Variants in ABCC10 observed in about 807,000 individuals in gnomAD.
ABCC10 encodes the protein ATP binding cassette subfamily C member 10, also known as ATP-binding cassette sub-family C member 10.
A neutral mutation model predicts 143.2 loss-of-function variants in ABCC10; 110 were observed. The ratio of observed to expected loss-of-function variants is 0.77; its 90% CI spans 0.66 to 0.90. The LOEUF (loss-of-function observed/expected upper bound fraction) is 0.90, where lower values mean the gene tolerates loss of function less well. Among genes scored for constraint, ABCC10 ranks in the 40% least tolerant of loss-of-function variants. The pLI is 0.00. For synonymous variants in ABCC10, 805 were observed against 846.7 expected (o/e 0.95, Z 0.85); for missense variants, 1,700 against 1,900.5 (o/e 0.89, Z 1.96).
intron 9 of ABCC10, among the ~76,000 whole-genome samples, chr6:43,442,644 T>C (rs1462264686): frequency 6.6e-6 from 1 of 151,548 alleles, no homozygotes; most frequent in African/African-American, 2.4e-5. Context: ...GTGGGAAGGA[T>C]CACTTGAGCC....
At position 43,432,270 on chromosome 6, in the gene ABCC10, C is replaced by T; in HGVS notation, c.290C>T (p.Pro97Leu). ...VALPPGAGPG[P>L]IGLEVLAGCV... ...TTGCCACCAGGGGCAGGCCCAGGAC[C>T]CATAGGGCTAGAGGTGTTGGCAGGG... Residue 97 changes from proline to leucine, a missense_variant, in exon 3 of 22, where the codon CCC (proline) becomes CTC (leucine). Pro to Leu is a moderately conservative substitution (Grantham distance 98, BLOSUM62 -3). Coordinates refer to ENST00000372530, the MANE Select transcript of ABCC10 (RefSeq NM_001198934.2). 1 of 1,614,230 alleles carries T rather than the reference C, an allele frequency of 6.2e-7. No homozygotes were observed. The highest frequency in any genetic ancestry group is 1.6e-4 in the Middle Eastern group (1 of 6,062).
At chr6:43,447,502 T>C in intron 17 of ABCC10, 94 bp downstream of exon 17, 1 of 1,558,376 alleles carries the variant, frequency 6.4e-7, no homozygotes, top group Non-Finnish European at 8.7e-7. Flanking sequence ...CCCATCTTTC[T>C]CAGCTCCCAT....
chr6:43,434,331 C>T (rs914103285), intron 3 of ABCC10, among the ~76,000 whole-genome samples: 2 of 152,242 alleles, frequency 1.3e-5, no homozygotes, highest in Non-Finnish European at 2.9e-5. Flanking sequence ...GCTCCACCTT[C>T]CACCACTCCT....
At chr6:43,450,518 G>C (rs1322341552), downstream of ABCC10, 1 of 1,527,630 alleles carries the variant, frequency 6.5e-7, no homozygotes, top group East Asian at 2.3e-5. The surrounding 1 kb of genome is among the most constrained non-coding windows in gnomAD (Gnocchi z 4.5). Flanking sequence ...GAGGAAGGGG[G>C]CCAGAAAGCC....
rs764704082 is a variant in ABCC10, at chr6:43,433,180, A to G, written c.1200A>G (p.Glu400=). 1 of 1,614,060 alleles carries G rather than the reference A, an allele frequency of 6.2e-7. No homozygotes were observed. The highest frequency in any genetic ancestry group is 1.7e-5 in the Admixed American group (1 of 60,018). ...RLLNFAGSFH[E]AWGLPLQLAI... is the part of the protein sequence containing the mutation. The stretch of plus-strand genomic sequence containing the variant: ...TTAACTTTGCTGGGAGCTTCCATGA[A>G]GCCTGGGGCCTGCCCCTGCAACTGG... The change falls in exon 3 of 22, where the codon GAA becomes GAG. Residue 400 remains glutamate (E), a synonymous_variant. Coordinates refer to ENST00000372530, the MANE Select transcript of ABCC10 (RefSeq NM_001198934.2).
At chr6:43,428,311 CCT>C (rs1259230891) in intron 2 of ABCC10, among the ~76,000 whole-genome samples, 172 bp downstream of exon 2, 4 of 152,166 alleles carry the variant, frequency 2.6e-5, no homozygotes, top group Admixed American at 6.5e-5. Flanking sequence ...TGGGCAAGTA[CCT>C]GCCTTCTCTG....
At position 43,449,918 on chromosome 6, in the gene ABCC10, C is replaced by A. The variant is rs934356230; in HGVS notation, c.4317-11C>A. ...CCTCATCCCCTACACTGACCATCTTCCCCCTCACAGGCTCAACACGATCCT... is the reference window on the plus strand; with the variant it reads ...CCTCATCCCCTACACTGACCATCTTACCCCTCACAGGCTCAACACGATCCT... On this transcript the variant is annotated splice_polypyrimidine_tract_variant and intron_variant, in intron 21 of 21. Transcript: ENST00000372530. 1.9e-6 allele frequency: 3 copies of A among 1,613,790 alleles called. No individual in the cohort carries two copies. The African/African-American group carries it at 4.0e-5, about 22-fold the overall frequency.
At chr6:43,446,628 T>A in intron 16 of ABCC10, 182 bp downstream of exon 16, 1 of 985,340 alleles carries the variant, frequency 1.0e-6, no homozygotes, top group South Asian at 4.7e-5. Context: ...AGGAGGGACT[T>A]GCCCAGGTGG....
chr6:43,431,673 TA>T, intron 2 of ABCC10: 1 of 488,954 alleles, frequency 2.0e-6, no homozygotes. Flanking sequence ...GGATTTTTTT[TA>T]AAATTTTAGA....
rs750396715 is a variant in ABCC10, at chr6:43,442,952, A to G, written c.2227-18A>G. ...GCCTTTGGGTCCTGGTGCCCACGGT[A>G]CCCTCACGTCTCCATAGGAAAAGGA... On this transcript the variant is annotated intron_variant, in intron 9 of 21. Coordinates refer to ENST00000372530, the MANE Select transcript of ABCC10 (RefSeq NM_001198934.2). 1 of 1,552,812 alleles carries G rather than the reference A, an allele frequency of 6.4e-7. No homozygotes were observed. The highest frequency in any genetic ancestry group is 1.9e-5 in the Admixed American group (1 of 51,634).
At chr6:43,435,638 T>G in intron 4 of ABCC10, 113 bp from the exon 5 acceptor site, 3 of 1,305,962 alleles carry the variant, frequency 2.3e-6, no homozygotes, top group Non-Finnish European at 3.1e-6. Flanking sequence ...CAGCCAGCCC[T>G]TCAGTTCTGT....
chr6:43,432,852 T>C lies in ABCC10; in HGVS notation c.872T>C (p.Leu291Pro). The C allele has an allele frequency of 6.2e-7, 1 of 1,614,210 alleles. No homozygotes were observed. The highest frequency in any genetic ancestry group is 8.5e-7 in the Non-Finnish European group (1 of 1,180,036). Residue 291 changes from leucine to proline, a missense_variant, in exon 3 of 22, where the codon CTG (leucine) becomes CCG (proline). Transcript: ENST00000372530. ...FGRCYLALGLLKLVGTMLGFS... is the reference protein window; with the variant it reads ...FGRCYLALGLPKLVGTMLGFS... ...CGGTGCTATCTGGCACTTGGACTGC[T>C]GAAGCTGGTGGGGACCATGTTGGGA...
intron 2 of ABCC10, chr6:43,431,659 G>A (rs1288960596): frequency 2.7e-6 from 1 of 376,702 alleles, no homozygotes; most frequent in African/African-American, 2.2e-5. Flanking sequence ...ACGGCGCCCA[G>A]CCTGGATTTT....
At position 43,432,492 on chromosome 6, in the gene ABCC10, G is replaced by A. The variant is rs148391785; in HGVS notation, c.512G>A (p.Arg171His). 5.4e-4 allele frequency: 873 copies of A among 1,611,740 alleles called. 9 individuals carry two copies. The highest frequency in any genetic ancestry group is 1.6e-4 in the Middle Eastern group (1 of 6,084). ...LPPLLPGPMA[R>H]LCLLILQLAA... is the part of the protein sequence containing the mutation. ...CCACTTCTCCCAGGGCCCATGGCCCGCCTATGCTTGCTCATCCTGCAGCTG... is the reference window on the plus strand; with the variant it reads ...CCACTTCTCCCAGGGCCCATGGCCCACCTATGCTTGCTCATCCTGCAGCTG... Residue 171 changes from arginine to histidine, a missense_variant, in exon 3 of 22, where the codon CGC becomes CAC. Transcript: ENST00000372530.
rs1279705827 is a variant in ABCC10 at position 43,427,773 on chromosome 6, C to T, written c.-12+16C>T. 8.0e-6 allele frequency: 5 copies of T among 624,622 alleles called. No homozygotes were observed. The highest frequency in any genetic ancestry group is 1.4e-5 in the Non-Finnish European group (5 of 351,358). 38.7% of individuals were successfully genotyped at this position (624,622 alleles called of 1,614,324 possible). ...AGATGGCAAGGTGGGTGACCAGCGTCCAGAAATCCACTGGGGAAACCTCCT... is the reference window on the plus strand; with the variant it reads ...AGATGGCAAGGTGGGTGACCAGCGTTCAGAAATCCACTGGGGAAACCTCCT... On this transcript the variant is annotated intron_variant, in intron 1 of 21. Transcript: ENST00000372530.
At chr6:43,436,949 T>C (rs182100754) in intron 6 of ABCC10, among the ~76,000 whole-genome samples, 1 of 152,324 alleles carries the variant, frequency 6.6e-6, no homozygotes, top group African/African-American at 2.4e-5. Context: ...GTTGGGGCTT[T>C]TTTGGGTATA....
chr6:43,441,358 C>T (rs1301184455), intron 8 of ABCC10, among the ~76,000 whole-genome samples: 2 of 152,004 alleles, frequency 1.3e-5, no homozygotes, highest in Non-Finnish European at 2.9e-5. Flanking sequence ...CGCCTGTAGT[C>T]CCAGCTACTC....
At chr6:43,435,630 G>T in intron 4 of ABCC10, 121 bp from the exon 5 acceptor site, 1 of 1,231,046 alleles carries the variant, frequency 8.1e-7, no homozygotes, top group South Asian at 1.7e-5. Flanking sequence ...GGATTGGCCA[G>T]CCAGCCCTTC....
chr6:43,438,878 G>T, intron 8 of ABCC10, 83 bp downstream of exon 8: 1 of 1,522,700 alleles, frequency 6.6e-7, no homozygotes, highest in Non-Finnish European at 9.0e-7. Flanking sequence ...TGCTTTTCTG[G>T]AAAGGGGTTG....
Sources: allele counts gnomAD v4.1 joint callset (sites outside exome capture counted in the v4.1 genomes callset), GRCh38; gene constraint gnomAD v4.1.1; non-coding constraint Gnocchi (gnomAD v3.1); transcripts MANE v1.5; gene names NCBI Gene and HGNC (gene_info 2026-07-23, HGNC 2026-07-21).